HGD: variants seen among roughly 807,000 people sequenced by gnomAD.
The protein encoded by HGD is homogentisate oxidase.
In HGD, 61 loss-of-function variants were observed where a neutral mutation model predicts 60.8. The ratio of observed to expected loss-of-function variants is 1.00; its 90% CI spans 0.82 to 1.24. The LOEUF (loss-of-function observed/expected upper bound fraction) is 1.24, where lower values mean the gene tolerates loss of function less well. HGD is among the 50% of genes most tolerant of loss of function. The probability of loss-of-function intolerance (pLI) is 0.00; values close to 1 mark genes in which losing one functional copy is unlikely to be tolerated. For synonymous variants in HGD, 212 were observed against 187.7 expected (o/e 1.13, Z -1.06); for missense variants, 542 against 547.1 (o/e 0.99, Z 0.09).
chr3:120,636,924 T>C (rs1253478646), intron 12 of HGD, among the ~76,000 whole-genome samples: 2 of 152,130 alleles, frequency 1.3e-5, no homozygotes, highest in Non-Finnish European at 2.9e-5. Flanking sequence ...AGAAAGGAAT[T>C]TGTTTTCTAG....
chr3:120,643,699 A>C (rs1299989964), intron 10 of HGD, among the ~76,000 whole-genome samples: 7 of 152,202 alleles, frequency 4.6e-5, no homozygotes, highest in Admixed American at 2.0e-4. Flanking sequence ...GGTTCTTCTT[A>C]TTATATGATT....
At chr3:120,636,232 A>G (rs961846743) in intron 12 of HGD, among the ~76,000 whole-genome samples, 7 of 150,736 alleles carry the variant, frequency 4.6e-5, no homozygotes, top group South Asian at 2.1e-4. Context: ...GTGAGCTGAG[A>G]TTGTGCCACC....
chr3:120,656,731 T>C (rs1204367330), intron 4 of HGD, among the ~76,000 whole-genome samples: 1 of 152,104 alleles, frequency 6.6e-6, no homozygotes, highest in Non-Finnish European at 1.5e-5. Flanking sequence ...TTTGTATTTT[T>C]AGTAGAGATG....
Position 120,628,428 on chromosome 3 carries a change from G to A in HGD, c.1290C>T (p.Leu430=), listed in dbSNP as rs2107483622. The change falls in exon 14 of 14, where the codon CTC becomes CTT. Residue 430 remains leucine (L), a synonymous_variant. Transcript: ENST00000283871. ...DENYHKCWEP[L]KSHFTPNSRN... is the part of the protein sequence containing the mutation. ...TGGAGTTGGGAGTGAAGTGGCTCTT[G>A]AGTGGCTCCCAGCACTTGTGGTAGT... The A allele has an allele frequency of 6.2e-7, 1 of 1,614,018 alleles. No individual in the cohort carries two copies. Among genetic ancestry groups the A allele is most frequent in the South Asian group, 1.1e-5 (1 of 91,080 alleles).
At chr3:120,628,584 C>T in intron 13 of HGD, 55 bp from the exon 14 acceptor site, 2 of 1,577,046 alleles carry the variant, frequency 1.3e-6, no homozygotes, top group East Asian at 2.2e-5. Flanking sequence ...ATAATAAACA[C>T]ATTTGATTAG....
chr3:120,667,383 A>T (rs1020273320), intron 4 of HGD, among the ~76,000 whole-genome samples: 7 of 150,506 alleles, frequency 4.7e-5, no homozygotes, highest in Non-Finnish European at 1.0e-4. Context: ...TTAGAACAAG[A>T]TTGTCTTCCA....
At chr3:120,678,911 C>T (rs990604237) in intron 1 of HGD, among the ~76,000 whole-genome samples, 3 of 152,164 alleles carry the variant, frequency 2.0e-5, no homozygotes, top group African/African-American at 4.8e-5. Flanking sequence ...TGCGAAAATC[C>T]AAGCATTCAT....
chr3:120,658,576 G>A (rs1177168174), intron 4 of HGD, among the ~76,000 whole-genome samples: 1 of 152,154 alleles, frequency 6.6e-6, no homozygotes, highest in Non-Finnish European at 1.5e-5. Flanking sequence ...ATCTGTGGAT[G>A]GATCTACCTT....
Position 120,647,005 on chromosome 3 carries a change from G to C in HGD, c.517C>G (p.Leu173Val). The change falls in exon 8 of 14, where the codon CTT becomes GTT. Residue 173 changes from leucine (L) to valine (V), a missense_variant. Physicochemically the swap from Leu to Val is conservative, Grantham distance 32 (BLOSUM62 1). This residue lies in a region of HGD where 537 missense variants were observed against 529.1 expected (regional missense o/e 1.01). Transcript: ENST00000283871. ...LLIYTEFGKM[L>V]VQPNEICVIQ... is the part of the protein sequence containing the mutation. ...ACGCAGATCTCATTGGGCTGTACAA[G>C]CATCTTGCCAAACTCGGTGTAAATG... is the stretch of plus-strand genomic sequence containing the variant. 1 of 1,614,078 alleles carries C rather than the reference G, an allele frequency of 6.2e-7. No individual in the cohort carries two copies. The highest frequency in any genetic ancestry group is 8.5e-7 in the Non-Finnish European group (1 of 1,179,928).
At chr3:120,632,923 C>G (rs978687995) in intron 13 of HGD, among the ~76,000 whole-genome samples, 5 of 152,114 alleles carry the variant, frequency 3.3e-5, no homozygotes, top group African/African-American at 4.8e-5. Flanking sequence ...ACTCAGAACC[C>G]AGGTCTGACT....
chr3:120,662,284 G>A lies in HGD; in HGVS notation c.282+8143C>T, dbSNP rs139112831. On this transcript the variant is annotated intron_variant, in intron 4 of 13. Transcript: ENST00000283871. ...ACGCTGATTCTGGCAGCACGGTGTG[G>A]GATAGGGAGGGGAAGACATAGGAAT... Among the ~76,000 whole-genome samples the A allele has an allele frequency of 3.5e-3, 538 of 152,254 alleles. 2 individuals are homozygous for A. Among genetic ancestry groups the A allele is most frequent in the African/African-American group, 0.012 (496 of 41,536 alleles).
In HGD at chr3:120,638,710, T is replaced by C; in HGVS notation, c.880-129A>G. On this transcript the variant is annotated intron_variant, in intron 11 of 13. Coordinates refer to ENST00000283871, the MANE Select transcript of HGD (RefSeq NM_000187.4). ...ATTTTTTTATTTATTTTTATTCAACTTTTAATTTAGATAGAGGGATACATA... is the reference window on the plus strand; with the variant it reads ...ATTTTTTTATTTATTTTTATTCAACCTTTAATTTAGATAGAGGGATACATA... 2.7e-6 allele frequency: 3 copies of C among 1,100,416 alleles called. No homozygotes were observed. In the South Asian group the frequency reaches 4.2e-5, roughly 15 times the overall value. The allele number at this position is 1,100,416 out of a possible 1,614,324, so 68.2% of individuals were successfully genotyped here. A position where few individuals can be genotyped will look rare whatever the true frequency, so the allele number is the denominator to read the frequency against.
intron 4 of HGD, among the ~76,000 whole-genome samples, chr3:120,656,704 C>T (rs900562742): frequency 1.3e-5 from 2 of 151,928 alleles, no homozygotes; most frequent in African/African-American, 2.4e-5. Context: ...GGTGCATGCC[C>T]CCATGCCCGG....
At chr3:120,672,950 C>T (rs867867172) in intron 3 of HGD, among the ~76,000 whole-genome samples, 1 of 152,068 alleles carries the variant, frequency 6.6e-6, no homozygotes, top group African/African-American at 2.4e-5. Flanking sequence ...AAAATTAATC[C>T]CTGATAGGTA....
chr3:120,640,125 G>A (rs762430506), intron 11 of HGD, among the ~76,000 whole-genome samples: 3 of 148,640 alleles, frequency 2.0e-5, no homozygotes, highest in Non-Finnish European at 3.0e-5. Flanking sequence ...GAAAAAGAGA[G>A]AGAGAAAGGA....
intron 10 of HGD, among the ~76,000 whole-genome samples, chr3:120,642,478 G>T (rs532100482): frequency 1.3e-5 from 2 of 152,234 alleles, no homozygotes; most frequent in South Asian, 4.2e-4. Flanking sequence ...ATAAAGAAGG[G>T]TGTTACCCAG....
chr3:120,674,415 C>T (rs950258908), intron 3 of HGD, among the ~76,000 whole-genome samples: 2 of 152,162 alleles, frequency 1.3e-5, no homozygotes, highest in Non-Finnish European at 2.9e-5. Flanking sequence ...TTAATTCAAA[C>T]CACAGTGGGC....
chr3:120,651,151 C>T (rs911514595), intron 5 of HGD, among the ~76,000 whole-genome samples: 8 of 152,166 alleles, frequency 5.3e-5, no homozygotes, highest in Non-Finnish European at 5.9e-5. Context: ...GGTATTTTAT[C>T]AATTTGATGC....
intron 13 of HGD, among the ~76,000 whole-genome samples, chr3:120,632,130 A>G (rs762844836): frequency 6.6e-6 from 1 of 152,128 alleles, no homozygotes; most frequent in African/African-American, 2.4e-5. Flanking sequence ...AAAGCAAGCA[A>G]ATGGGACTCT....
Sources: gnomAD v4.1 joint callset for allele counts (sites outside exome capture counted in the v4.1 genomes callset) on GRCh38, gnomAD v4.1.1 for gene constraint, gnomAD v4.1.1 regional missense constraint, MANE v1.5 for transcripts, NCBI Gene and HGNC (gene_info 2026-07-23, HGNC 2026-07-21) for gene names.